PARD3B: variants seen among roughly 807,000 people sequenced by gnomAD.
PARD3B encodes the protein par-3 family cell polarity regulator beta, also known as partitioning defective 3 homolog B.
In PARD3B, 103 loss-of-function variants were observed where a neutral mutation model predicts 130.2. That is an observed-to-expected ratio of 0.79 (90% CI 0.67 to 0.93). The LOEUF (loss-of-function observed/expected upper bound fraction) is 0.93, where lower values mean the gene tolerates loss of function less well. Among genes scored for constraint, PARD3B ranks in the 40% least tolerant of loss-of-function variants. The pLI is 0.00. For synonymous variants in PARD3B, 583 were observed against 553.2 expected, an observed-to-expected ratio of 1.05 and a Z score of -0.76; for missense variants, 1,609 against 1,499.2, an observed-to-expected ratio of 1.07 and a Z score of -1.21.
chr2:204,651,094 C>G (rs537135442), intron 1 of PARD3B, among the ~76,000 whole-genome samples: 91 of 152,242 alleles, frequency 6.0e-4, no homozygotes, highest in African/African-American at 1.6e-3. Context: ...TATTATTCTG[C>G]CGCTGACCCC....
chr2:205,506,509 C>T lies in PARD3B; in HGVS notation c.3180+6478C>T, dbSNP rs942211456. On this transcript the variant is annotated intron_variant, in intron 21 of 22. Coordinates refer to ENST00000406610, the MANE Select transcript of PARD3B (RefSeq NM_001302769.2). ...GCCAACTTGAAGAAACGTACTTGGCCGCTGATCTGGATGACAAGAGACAAA... is the reference window on the plus strand; with the variant it reads ...GCCAACTTGAAGAAACGTACTTGGCTGCTGATCTGGATGACAAGAGACAAA... Among the ~76,000 whole-genome samples, 8 of 152,100 alleles carry T rather than the reference C, an allele frequency of 5.3e-5. No individual in the cohort carries two copies. In the South Asian group the frequency reaches 1.0e-3, roughly 20 times the overall value.
rs186738348 is a variant in PARD3B at position 205,084,763 on chromosome 2, G to T, written c.505-19663G>T. 3.3e-5 allele frequency among the ~76,000 whole-genome samples: 5 copies of T among 152,050 alleles called. No individual in the cohort carries two copies. In the East Asian group the frequency reaches 9.7e-4, roughly 29 times the overall value. On this transcript the variant is annotated intron_variant, in intron 4 of 22. Transcript: ENST00000406610. ...TAATTGCACTGTGGTCAGAGAACAA[G>T]ATGTAAGATGTGTATTTATGGGCTC...
At chr2:204,667,417 C>T (rs2036076466) in intron 1 of PARD3B, among the ~76,000 whole-genome samples, 2 of 152,038 alleles carry the variant, frequency 1.3e-5, no homozygotes, top group Non-Finnish European at 2.9e-5. Context: ...ATATTACCTC[C>T]ATGCATATAA....
In PARD3B at chr2:205,385,015, GTATAATAGGTATTTGAAA is replaced by G. The variant is rs578190515; in HGVS notation, c.2631-15997_2631-15980del. 1.3e-3 allele frequency among the ~76,000 whole-genome samples: 193 copies of G among 152,056 alleles called. 1 individual carries two copies. Among genetic ancestry groups the G allele is most frequent in the African/African-American group, 4.4e-3 (184 of 41,474 alleles). ...TCTCCAGCACCTCACATTAGAGCCT[GTATAATAGGTATTTGAAA>G]AATACTTCCCGAATTAATTTGATAT... On this transcript the variant is annotated intron_variant, in intron 18 of 22. Transcript: ENST00000406610.
At position 204,545,575 on chromosome 2, in the gene PARD3B, C is replaced by T. The variant is rs1031192837; in HGVS notation, c.-425C>T. Among the ~76,000 whole-genome samples, 2 of 152,080 alleles carry T rather than the reference C, an allele frequency of 1.3e-5. No homozygotes were observed. Among genetic ancestry groups the T allele is most frequent in the African/African-American group, 4.8e-5 (2 of 41,442 alleles). ...CGTGCGCCGCCGCCGCCGCCGCCCA[C>T]TCCAGCCCCCGGCTTGGGGCCGGCC... On this transcript the variant is annotated 5_prime_UTR_variant, in exon 1 of 23. Coordinates refer to ENST00000406610, the MANE Select transcript of PARD3B (RefSeq NM_001302769.2).
At chr2:205,475,155 C>T (rs1173121125) in intron 20 of PARD3B, among the ~76,000 whole-genome samples, 1 of 152,030 alleles carries the variant, frequency 6.6e-6, no homozygotes. Context: ...TTTTAATTGA[C>T]TCACCCTTCC....
At chr2:204,844,752 G>C (rs1449686162) in intron 2 of PARD3B, among the ~76,000 whole-genome samples, 1 of 152,080 alleles carries the variant, frequency 6.6e-6, no homozygotes, top group East Asian at 1.9e-4. Context: ...AATTATTTGT[G>C]AGATAAAATT....
chr2:204,946,151 T>A (rs1347924277), intron 2 of PARD3B, among the ~76,000 whole-genome samples: 1 of 152,236 alleles, frequency 6.6e-6, no homozygotes, highest in East Asian at 1.9e-4. Context: ...TTATATTGAC[T>A]TGCATATTCA....
At chr2:205,390,807 A>G (rs916910361) in intron 18 of PARD3B, among the ~76,000 whole-genome samples, 3 of 152,242 alleles carry the variant, frequency 2.0e-5, no homozygotes, top group African/African-American at 4.8e-5. Flanking sequence ...CGTTCCGATC[A>G]TGGAATATAT....
Position 205,146,964 on chromosome 2 carries a change from C to T in PARD3B, c.1435-11758C>T, listed in dbSNP as rs747901298. Among the ~76,000 whole-genome samples the T allele has an allele frequency of 1.3e-5, 2 of 152,064 alleles. No homozygotes were observed. The highest frequency in any genetic ancestry group is 2.9e-5 in the Non-Finnish European group (2 of 68,000). On this transcript the variant is annotated intron_variant, in intron 10 of 22. Coordinates refer to ENST00000406610, the MANE Select transcript of PARD3B (RefSeq NM_001302769.2). The surrounding 1 kb of genome is among the most constrained non-coding windows in gnomAD (Gnocchi z 4.3). ...CTCCTGACCTCAAGTGTTCTGCCTG[C>T]CTTGGCCTCCCAAAGTCCTGGGATT...
At chr2:204,952,854 G>A (rs560254442) in intron 2 of PARD3B, among the ~76,000 whole-genome samples, 15 of 151,966 alleles carry the variant, frequency 9.9e-5, no homozygotes, top group South Asian at 8.3e-4. Flanking sequence ...AAAATTAGCC[G>A]GGTGTGGTGG....
intron 18 of PARD3B, among the ~76,000 whole-genome samples, chr2:205,387,143 T>C (rs12694023): frequency 0.75 from 113,628 of 152,110 alleles, 45,624 homozygotes; most frequent in East Asian, 0.96. Flanking sequence ...ATGTGATTGG[T>C]TCTTAATGGC....
chr2:205,418,073 T>C (rs979096201), intron 19 of PARD3B, among the ~76,000 whole-genome samples: 1 of 152,228 alleles, frequency 6.6e-6, no homozygotes, highest in African/African-American at 2.4e-5. Flanking sequence ...TTCAGTGGAA[T>C]AGTTCCCAAT....
chr2:205,141,574 C>T (rs2032957063), intron 10 of PARD3B, among the ~76,000 whole-genome samples: 1 of 152,110 alleles, frequency 6.6e-6, no homozygotes, highest in Non-Finnish European at 1.5e-5. Context: ...ATCAAATGAG[C>T]CAAAGTAAAT....
rs547745849 is a variant in PARD3B at position 205,074,937 on chromosome 2, G to A, written c.504+27247G>A. On this transcript the variant is annotated intron_variant, in intron 4 of 22. Transcript: ENST00000406610. ...TATCAGTTTAAATTGCATTGTTGGT[G>A]TATTGTTTCCAAATTATAATTGTTA... 1.5e-4 allele frequency among the ~76,000 whole-genome samples: 23 copies of A among 152,280 alleles called. 2 individuals are homozygous for A. The South Asian group carries it at 2.7e-3, about 18-fold the overall frequency.
chr2:205,603,179 T>A (rs2054857044), intron 22 of PARD3B, among the ~76,000 whole-genome samples: 1 of 152,190 alleles, frequency 6.6e-6, no homozygotes, highest in Non-Finnish European at 1.5e-5. Flanking sequence ...TTTGAATGAG[T>A]TTCTTAATCT....
rs1264704237 is a variant in PARD3B at position 205,461,844 on chromosome 2, G to A, written c.3044+21172G>A. 2.6e-5 allele frequency among the ~76,000 whole-genome samples: 4 copies of A among 152,094 alleles called. No individual in the cohort carries two copies. Among genetic ancestry groups the A allele is most frequent in the Non-Finnish European group, 5.9e-5 (4 of 68,008 alleles). ...GTCGGTGGTGAATCATTAGTTTAAGGTGTCTTTCTTCTTTCAGCAGTTTAA... is the reference window on the plus strand; with the variant it reads ...GTCGGTGGTGAATCATTAGTTTAAGATGTCTTTCTTCTTTCAGCAGTTTAA... On this transcript the variant is annotated intron_variant, in intron 20 of 22. Coordinates refer to ENST00000406610, the MANE Select transcript of PARD3B (RefSeq NM_001302769.2). This position sits in a 1 kb window ranked among gnomAD's most constrained non-coding sequence, Gnocchi z 4.3.
intron 2 of PARD3B, among the ~76,000 whole-genome samples, chr2:204,960,497 G>T (rs1444362902): frequency 6.6e-6 from 1 of 152,130 alleles, no homozygotes; most frequent in Non-Finnish European, 1.5e-5. Context: ...TAATGATGAT[G>T]ATGATACCTA....
At chr2:205,144,352 G>T (rs185558114) in intron 10 of PARD3B, among the ~76,000 whole-genome samples, 1 of 152,256 alleles carries the variant, frequency 6.6e-6, no homozygotes, top group East Asian at 1.9e-4. Context: ...AGCTATAAAT[G>T]CTTTATTGTG....
Sources: gnomAD v4.1 joint callset for allele counts (sites outside exome capture counted in the v4.1 genomes callset) on GRCh38, gnomAD v4.1.1 for gene constraint, Gnocchi (gnomAD v3.1) non-coding constraint, MANE v1.5 for transcripts, NCBI Gene and HGNC (gene_info 2026-07-23, HGNC 2026-07-21) for gene names.